Variants in ZC3H18 observed in about 807,000 individuals in gnomAD.
ZC3H18 encodes the protein zinc finger CCCH-type containing 18.
Under a neutral mutation model 106.1 loss-of-function variants are expected in ZC3H18, and 8 were observed. The ratio of observed to expected loss-of-function variants is 0.08; its 90% CI spans 0.04 to 0.14. ZC3H18 has a LOEUF of 0.14. Among genes scored for constraint, ZC3H18 ranks in the 10% least tolerant of loss-of-function variants. The pLI is 1.00. For missense variants in ZC3H18, 1,318 were observed against 1,278.4 expected (o/e 1.03, Z -0.47); for synonymous variants, 635 against 522.1 (o/e 1.22, Z -2.95).
intron 13 of ZC3H18, chr16:88,625,714 T>G: frequency 5.6e-6 from 1 of 178,484 alleles, no homozygotes; most frequent in Non-Finnish European, 1.2e-5. Context: ...GGAAAAGCTT[T>G]GTGGGCCAGG....
intron 2 of ZC3H18, among the ~76,000 whole-genome samples, chr16:88,582,019 A>C (rs1337249730): frequency 1.3e-5 from 2 of 152,006 alleles, no homozygotes; most frequent in Non-Finnish European, 2.9e-5. Flanking sequence ...ATTTTGTTCC[A>C]TTCTCCTCTT....
rs540875029 is a variant in ZC3H18, at chr16:88,595,714, GGAGAGTTGCTT to G, written c.689-2461_689-2451del. Among the ~76,000 whole-genome samples, 8 of 151,392 alleles carry G rather than the reference GGAGAGTTGCTT, an allele frequency of 5.3e-5. No homozygotes were observed. The East Asian group carries it at 1.5e-3, about 29-fold the overall frequency. On this transcript the variant is annotated intron_variant, in intron 3 of 17. Coordinates refer to ENST00000301011, the MANE Select transcript of ZC3H18 (RefSeq NM_144604.4). The stretch of plus-strand genomic sequence containing the variant: ...CCCAGCTACTCGGGAGGCTGAGGCA[GGAGAGTTGCTT>G]GAACTGTGAGGCAGAGGTTGCAATG...
At chr16:88,572,916 C>A (rs921316018) in intron 1 of ZC3H18, among the ~76,000 whole-genome samples, 1 of 151,914 alleles carries the variant, frequency 6.6e-6, no homozygotes, top group African/African-American at 2.4e-5. Flanking sequence ...TGCCACCATG[C>A]CCAGCTAATT....
chr16:88,595,310 C>T (rs1358686970), intron 3 of ZC3H18, among the ~76,000 whole-genome samples: 1 of 152,238 alleles, frequency 6.6e-6, no homozygotes. Flanking sequence ...CTCTGTCCCT[C>T]CTTGTCCTCT....
At chr16:88,572,863 T>TTCTCCTGCCTCAG (rs1457628505) in intron 1 of ZC3H18, among the ~76,000 whole-genome samples, 7 of 152,054 alleles carry the variant, frequency 4.6e-5, no homozygotes, top group Admixed American at 3.3e-4. Context: ...GTTCAAGTGA[T>TTCTCCTGCCTCAG]TCTCCTGCCT....
chr16:88,585,850 A>G (rs959224673), intron 2 of ZC3H18, among the ~76,000 whole-genome samples: 5 of 152,020 alleles, frequency 3.3e-5, no homozygotes, highest in Non-Finnish European at 7.4e-5. Flanking sequence ...GGCTGGCTGG[A>G]AGAGGCCGGG....
At chr16:88,601,459 G>T (rs1026373086) in intron 6 of ZC3H18, among the ~76,000 whole-genome samples, 1 of 152,130 alleles carries the variant, frequency 6.6e-6, no homozygotes, top group Non-Finnish European at 1.5e-5. Flanking sequence ...TCCCTGGCTG[G>T]AGCAGGGACC....
intron 8 of ZC3H18, among the ~76,000 whole-genome samples, chr16:88,619,555 G>A (rs948923673): frequency 6.6e-6 from 1 of 152,198 alleles, no homozygotes; most frequent in Non-Finnish European, 1.5e-5. Context: ...TTGAAATTCG[G>A]TATCATTGTC....
At position 88,622,335 on chromosome 16, in the gene ZC3H18, T is replaced by C. The variant is rs1906017410; in HGVS notation, c.1614T>C (p.Ala538=). 1.9e-6 allele frequency: 3 copies of C among 1,613,570 alleles called. No individual in the cohort carries two copies. The highest frequency in any genetic ancestry group is 1.7e-5 in the Admixed American group (1 of 59,936). The change falls in exon 9 of 18, where the codon GCT becomes GCC. Residue 538 remains alanine (A), a synonymous_variant. Coordinates refer to ENST00000301011, the MANE Select transcript of ZC3H18 (RefSeq NM_144604.4). ...KLGVSVSPSR[A]RRRRKTSASS... ...GGGTGTCGGTCTCCCCGAGCCGGGCTCGAAGGCGTCGGAAAACATCAGCCT... is the reference window on the plus strand; with the variant it reads ...GGGTGTCGGTCTCCCCGAGCCGGGCCCGAAGGCGTCGGAAAACATCAGCCT...
At chr16:88,609,791 G>GTTTTT (rs78747058) in intron 7 of ZC3H18, among the ~76,000 whole-genome samples, 39,631 of 151,792 alleles carry the variant, frequency 0.26, 5,561 homozygotes, top group Middle Eastern at 0.36. Flanking sequence ...AGTAGAGACA[G>GTTTTT]GGTTTTGCCG....
chr16:88,627,566 G>C lies in ZC3H18; in HGVS notation c.2109-56G>C, dbSNP rs942385650. On this transcript the variant is annotated intron_variant, in intron 13 of 17. Coordinates refer to ENST00000301011, the MANE Select transcript of ZC3H18 (RefSeq NM_144604.4). This position sits in a 1 kb window ranked among gnomAD's most constrained non-coding sequence, Gnocchi z 4.5. ...AAAAGTGGACCATGGAGCACCCCCT[G>C]CTGGCCCCTCCCTCCAGTCTGGCTG... 66 of 1,552,198 alleles carry C rather than the reference G, an allele frequency of 4.3e-5. No homozygotes were observed. Among genetic ancestry groups the C allele is most frequent in the Middle Eastern group, 1.8e-4 (1 of 5,670 alleles).
intron 3 of ZC3H18, among the ~76,000 whole-genome samples, chr16:88,592,029 C>T (rs7187778): frequency 2.2e-5 from 3 of 135,618 alleles, no homozygotes; most frequent in Non-Finnish European, 5.0e-5. Context: ...TCATCTTTTG[C>T]GGAGCCGCTG....
chr16:88,576,889 C>CA (rs1567574853), intron 1 of ZC3H18, among the ~76,000 whole-genome samples: 1 of 152,258 alleles, frequency 6.6e-6, no homozygotes, highest in East Asian at 1.9e-4. Flanking sequence ...GCCAGATTGC[C>CA]AAAAACGGGA....
intron 16 of ZC3H18, among the ~76,000 whole-genome samples, chr16:88,629,925 C>T (rs779467049): frequency 8.5e-5 from 13 of 152,258 alleles, no homozygotes; most frequent in Admixed American, 4.6e-4. Context: ...GGAAGCTGCT[C>T]ACCTTTGTCC....
chr16:88,571,542 C>A, intron 1 of ZC3H18: 2 of 800,682 alleles, frequency 2.5e-6, no homozygotes, highest in Non-Finnish European at 3.0e-6. Flanking sequence ...TATCTAAGGG[C>A]AGTATGGAGC....
rs1322939418 is a variant in ZC3H18 at position 88,630,523 on chromosome 16, C to T, written c.2605C>T (p.Pro869Ser). Reference protein sequence around the residue: ...DRKSGGRLGSPKPERQRGQNS... With the variant: ...DRKSGGRLGSSKPERQRGQNS... ...GAAGTCAGGTGGGAGACTGGGCTCCCCGAAGCCAGAGCGGCAGAGAGGCCA... is the reference window on the plus strand; with the variant it reads ...GAAGTCAGGTGGGAGACTGGGCTCCTCGAAGCCAGAGCGGCAGAGAGGCCA... Residue 869 changes from proline to serine, a missense_variant, in exon 17 of 18, where the codon CCG (proline) becomes TCG (serine). Physicochemically the swap from Pro to Ser is moderately conservative, Grantham distance 74. Transcript: ENST00000301011. 6.2e-7 allele frequency: 1 copy of T among 1,613,332 alleles called. No individual in the cohort carries two copies. The highest frequency in any genetic ancestry group is 8.5e-7 in the Non-Finnish European group (1 of 1,179,896).
intron 1 of ZC3H18, among the ~76,000 whole-genome samples, chr16:88,572,204 A>G (rs756895086): frequency 3.3e-5 from 5 of 152,250 alleles, no homozygotes; most frequent in Admixed American, 6.5e-5. Context: ...GTCATTCGCA[A>G]TGAGAAGGTC....
Position 88,591,119 on chromosome 16 carries a change from C to T in ZC3H18, c.688+4435C>T, listed in dbSNP as rs570022335. Among the ~76,000 whole-genome samples the T allele has an allele frequency of 2.0e-3, 298 of 152,126 alleles. 1 individual carries two copies. The highest frequency in any genetic ancestry group is 6.7e-3 in the African/African-American group (280 of 41,548). ...CTGAGTAGTTGGAACTACAGGCGCC[C>T]GCCACCACGCCCAGGTAATTTTTGT... On this transcript the variant is annotated intron_variant, in intron 3 of 17. Coordinates refer to ENST00000301011, the MANE Select transcript of ZC3H18 (RefSeq NM_144604.4).
intron 2 of ZC3H18, among the ~76,000 whole-genome samples, chr16:88,581,471 C>A (rs56838275): frequency 6.6e-6 from 1 of 152,202 alleles, no homozygotes; most frequent in South Asian, 2.1e-4. Context: ...GGCCTTGAAT[C>A]TGTGTTTGGT....
Sources: gnomAD v4.1 joint callset for allele counts (sites outside exome capture counted in the v4.1 genomes callset) on GRCh38, gnomAD v4.1.1 for gene constraint, Gnocchi (gnomAD v3.1) non-coding constraint, MANE v1.5 for transcripts, NCBI Gene and HGNC (gene_info 2026-07-23, HGNC 2026-07-21) for gene names.